Variants in SYAP1 observed in about 807,000 individuals in gnomAD.
SYAP1 encodes the protein synapse-associated protein 1.
SYAP1 carries 3 observed loss-of-function variants against 29.6 expected under a neutral mutation model. The ratio of observed to expected loss-of-function variants is 0.10; its 90% CI spans 0.05 to 0.26. SYAP1 has a LOEUF of 0.26. SYAP1 is among the 10% of genes least tolerant of loss of function. SYAP1 has a pLI of 1.00. For synonymous variants in SYAP1, 102 were observed against 102.7 expected, an observed-to-expected ratio of 0.99 and a Z score of 0.04; for missense variants, 217 against 264.1, an observed-to-expected ratio of 0.82 and a Z score of 1.24.
Position 16,734,593 on chromosome X carries a change from C to T in SYAP1, c.176-634C>T, listed in dbSNP as rs775724827. 1.6e-4 allele frequency among the ~76,000 whole-genome samples: 18 copies of T among 110,553 alleles called. 1 individual carries two copies. The South Asian group carries it at 6.4e-3, about 40-fold the overall frequency. On this transcript the variant is annotated intron_variant, in intron 1 of 8. Coordinates refer to ENST00000380155, the MANE Select transcript of SYAP1 (RefSeq NM_032796.4). ...AAAAGTATAAAGGAGCCTTGTTCTT[C>T]CTGGCAAAGTAGGAGGGTAGATTAT...
intron 5 of SYAP1, among the ~76,000 whole-genome samples, chrX:16,746,526 T>G (rs1042901142): frequency 9.1e-6 from 1 of 109,760 alleles, no homozygotes; most frequent in Non-Finnish European, 1.9e-5. Context: ...CGTGAGCCAC[T>G]GCGCCCAGCT....
chrX:16,725,431 G>C (rs962951496), intron 1 of SYAP1, among the ~76,000 whole-genome samples: 1 of 112,118 alleles, frequency 8.9e-6, no homozygotes, highest in African/African-American at 3.2e-5. Flanking sequence ...TGGGTTGCTT[G>C]AGCCCAGGAG....
Position 16,756,715 on chromosome X carries a change from T to C in SYAP1, c.777T>C (p.Thr259=), listed in dbSNP as rs750606361. 3 of 1,209,588 alleles carry C rather than the reference T, an allele frequency of 2.5e-6. No individual in the cohort carries two copies. In the South Asian group the frequency reaches 5.3e-5, roughly 21 times the overall value. ...TTGTAATCAAATCTCAGCTTAAAAC[T>C]CAAGAGGTAATCCAGTTTTACATTG... is the stretch of plus-strand genomic sequence containing the variant. The part of the protein sequence containing the change: ...PPVVIKSQLK[T]QEDEEEISTS... Residue 259 remains threonine, a synonymous_variant, in exon 7 of 9, where the codon ACT becomes ACC. Transcript: ENST00000380155.
intron 1 of SYAP1, among the ~76,000 whole-genome samples, chrX:16,732,905 A>G (rs1417448800): frequency 8.9e-6 from 1 of 112,345 alleles, no homozygotes; most frequent in East Asian, 2.8e-4. Flanking sequence ...AGTCTGGCTG[A>G]GAAGACATTC....
At chrX:16,737,937 T>C (rs1222490960) in intron 3 of SYAP1, among the ~76,000 whole-genome samples, 2 of 111,561 alleles carry the variant, frequency 1.8e-5, no homozygotes, top group Non-Finnish European at 3.8e-5. Context: ...TCTAGTGATA[T>C]AGATTATTAT....
At position 16,719,872 on chromosome X, in the gene SYAP1, C is replaced by T. The variant is rs1925916477; in HGVS notation, c.148C>T (p.Leu50Phe). Residue 50 changes from leucine to phenylalanine, a missense_variant, in exon 1 of 9, where the codon CTC (leucine) becomes TTC (phenylalanine). Transcript: ENST00000380155. The stretch of plus-strand genomic sequence containing the variant: ...GCTGCAGCAAGCGGGAGACCAGGAG[C>T]TCCTCCACCAGGCCAAAGACTTCGG... The part of the protein sequence containing the change: ...EELQQAGDQE[L>F]LHQAKDFGNY... The T allele has an allele frequency of 1.7e-6, 2 of 1,192,436 alleles. No individual in the cohort carries two copies. The highest frequency in any genetic ancestry group is 2.3e-6 in the Non-Finnish European group (2 of 886,162).
At chrX:16,736,507 T>TAA in intron 3 of SYAP1, 1 of 214,638 alleles carries the variant, frequency 4.7e-6, no homozygotes, top group Non-Finnish European at 8.5e-6. Context: ...ACTTTCTCTT[T>TAA]TCTTTTCCCC....
rs776803959 is a variant in SYAP1 at position 16,723,982 on chromosome X, G to A, written c.175+4083G>A. Among the ~76,000 whole-genome samples the A allele has an allele frequency of 3.6e-5, 4 of 112,215 alleles. No individual in the cohort carries two copies. The East Asian group carries it at 1.1e-3, about 31-fold the overall frequency. On this transcript the variant is annotated intron_variant, in intron 1 of 8. Transcript: ENST00000380155. ...TTATATCATTTGCAAATTACAGAAA[G>A]TCCAGTGATCAGAGGCTTAATGAAA...
intron 1 of SYAP1, among the ~76,000 whole-genome samples, chrX:16,720,893 A>G (rs1262960378): frequency 1.8e-5 from 2 of 110,247 alleles, no homozygotes; most frequent in Non-Finnish European, 3.8e-5. Flanking sequence ...GGCACCTGTA[A>G]TCCCAGCTAC....
intron 5 of SYAP1, among the ~76,000 whole-genome samples, chrX:16,749,497 A>G (rs755330012): frequency 6.2e-5 from 7 of 112,221 alleles, no homozygotes; most frequent in Non-Finnish European, 1.1e-4. Flanking sequence ...GGGAGAGACT[A>G]TGGAAAACAA....
At chrX:16,747,097 T>C (rs6632882) in intron 5 of SYAP1, among the ~76,000 whole-genome samples, 49,926 of 110,095 alleles carry the variant, frequency 0.45, 10,053 homozygotes, top group African/African-American at 0.79. Flanking sequence ...AGGCCTGTGC[T>C]GCTACGCCTG....
At chrX:16,747,703 C>G (rs1293150749) in intron 5 of SYAP1, among the ~76,000 whole-genome samples, 2 of 113,111 alleles carry the variant, frequency 1.8e-5, no homozygotes, top group African/African-American at 6.4e-5. Flanking sequence ...TCAAATATTT[C>G]AATATGACTC....
chrX:16,740,083 C>A (rs986236195), intron 3 of SYAP1, among the ~76,000 whole-genome samples: 3 of 111,012 alleles, frequency 2.7e-5, no homozygotes, highest in Non-Finnish European at 5.7e-5. Flanking sequence ...CACCCCCACC[C>A]CCATCCACCA....
intron 5 of SYAP1, among the ~76,000 whole-genome samples, chrX:16,746,026 C>T (rs1409300961): frequency 4.5e-5 from 5 of 110,034 alleles, no homozygotes; most frequent in Non-Finnish European, 7.6e-5. Flanking sequence ...GAAAACACCA[C>T]TCTGGAAGTG....
At chrX:16,738,811 A>G (rs1926385993) in intron 3 of SYAP1, among the ~76,000 whole-genome samples, 2 of 112,255 alleles carry the variant, frequency 1.8e-5, no homozygotes, top group Non-Finnish European at 3.8e-5. Flanking sequence ...TCCACTTACA[A>G]TGACCATGAG....
In SYAP1 at chrX:16,764,723, C is replaced by G. The variant is rs1927060734; in HGVS notation, c.*4364C>G. The G allele has an allele frequency of 9.4e-6, 1 of 106,937 alleles. No individual in the cohort carries two copies. Among genetic ancestry groups the G allele is most frequent in the Admixed American group, 1.0e-4 (1 of 9,769 alleles). 8.8% of individuals were successfully genotyped at this position (106,937 alleles called of 1,213,427 possible). On this transcript the variant is annotated 3_prime_UTR_variant, in exon 9 of 9. Transcript: ENST00000380155. Reference sequence around the variant, plus strand: ...TTTTTTTTTCTTTTTGAGACAGGGTCTTGCTCTGTCACTCAGGCTAGAGTG... The same window carrying G: ...TTTTTTTTTCTTTTTGAGACAGGGTGTTGCTCTGTCACTCAGGCTAGAGTG...
At chrX:16,732,927 G>A (rs1418276340) in intron 1 of SYAP1, among the ~76,000 whole-genome samples, 2 of 111,970 alleles carry the variant, frequency 1.8e-5, no homozygotes, top group East Asian at 2.8e-4. Flanking sequence ...CCAAGTAATC[G>A]GTAGAGTGTT....
chrX:16,728,309 C>G (rs905480669), intron 1 of SYAP1, among the ~76,000 whole-genome samples: 6 of 111,544 alleles, frequency 5.4e-5, no homozygotes, highest in Non-Finnish European at 1.1e-4. Context: ...CCAAAGTTAT[C>G]AGAAACCTGC....
intron 1 of SYAP1, among the ~76,000 whole-genome samples, chrX:16,729,226 C>T (rs145168754): frequency 2.0e-4 from 22 of 110,769 alleles, no homozygotes; most frequent in African/African-American, 7.2e-4. Flanking sequence ...CAAAGAAAGT[C>T]AAACCCCATT....
Sources: gnomAD v4.1 joint callset for allele counts (sites outside exome capture counted in the v4.1 genomes callset) on GRCh38, gnomAD v4.1.1 for gene constraint, MANE v1.5 for transcripts, NCBI Gene and HGNC (gene_info 2026-07-23, HGNC 2026-07-21) for gene names.